The following PPP1R9A variants were observed in gnomAD, a reference collection of about 807,000 sequenced individuals.
The protein encoded by PPP1R9A is neurabin-1.
Under a neutral mutation model 141.9 loss-of-function variants are expected in PPP1R9A, and 59 were observed. The ratio of observed to expected loss-of-function variants is 0.42; its 90% CI spans 0.34 to 0.52. The LOEUF is 0.52. Among genes scored for constraint, PPP1R9A ranks in the 20% least tolerant of loss-of-function variants. PPP1R9A has a pLI of 0.10. For synonymous variants in PPP1R9A, 500 were observed against 569.7 expected, an observed-to-expected ratio of 0.88 and a Z score of 1.74; for missense variants, 1,444 against 1,611.9, an observed-to-expected ratio of 0.90 and a Z score of 1.78.
At chr7:95,240,615 T>A (rs1220386857) in intron 8 of PPP1R9A, among the ~76,000 whole-genome samples, 5 of 152,140 alleles carry the variant, frequency 3.3e-5, no homozygotes, top group Non-Finnish European at 7.4e-5. Flanking sequence ...TTTACCATTT[T>A]AAGTGTACAG....
At chr7:95,251,678 C>T in intron 10 of PPP1R9A, 84 bp from the exon 11 acceptor site, 1 of 1,240,484 alleles carries the variant, frequency 8.1e-7, no homozygotes, top group Non-Finnish European at 1.1e-6. Context: ...AGTTGCTTAT[C>T]CTACTATGCA....
At chr7:95,234,387 C>T (rs1488699849) in intron 8 of PPP1R9A, among the ~76,000 whole-genome samples, 1 of 152,066 alleles carries the variant, frequency 6.6e-6, no homozygotes, top group Non-Finnish European at 1.5e-5. Context: ...CCAACAGCGA[C>T]CAAGCTGAGA....
chr7:94,998,073 T>C (rs1802418377), intron 2 of PPP1R9A, among the ~76,000 whole-genome samples: 1 of 152,208 alleles, frequency 6.6e-6, no homozygotes, highest in African/African-American at 2.4e-5. Flanking sequence ...CAGTTTCTGT[T>C]TTTAATAGAA....
At chr7:94,909,706 CTTTT>C (rs34862598) in intron 1 of PPP1R9A, among the ~76,000 whole-genome samples, 188 bp from the exon 2 acceptor site, 1 of 128,566 alleles carries the variant, frequency 7.8e-6, no homozygotes, top group East Asian at 2.2e-4. Flanking sequence ...GTGTTTGGAA[CTTTT>C]TTTTTTTTTT....
In PPP1R9A at chr7:95,295,202, A is replaced by G. The variant is rs1238365666; in HGVS notation, c.*4899A>G. On this transcript the variant is annotated 3_prime_UTR_variant, in exon 20 of 20. Transcript: ENST00000433360. The stretch of plus-strand genomic sequence containing the variant: ...AGGTCAGTCAGGACCTGGAGCTGTA[A>G]TCATAGCCTTATTGCCACTTCTTGC... 1 of 152,684 alleles carries G rather than the reference A, an allele frequency of 6.5e-6. No homozygotes were observed. Among genetic ancestry groups the G allele is most frequent in the African/African-American group, 2.4e-5 (1 of 41,458 alleles). The allele number at this position is 152,684 out of a possible 1,614,324, so 9.5% of individuals were successfully genotyped here. A position where few individuals can be genotyped will look rare whatever the true frequency, so the allele number is the denominator to read the frequency against.
At chr7:95,134,350 G>A (rs1233225994) in intron 4 of PPP1R9A, among the ~76,000 whole-genome samples, 1 of 152,114 alleles carries the variant, frequency 6.6e-6, no homozygotes, top group South Asian at 2.1e-4. Context: ...GAGAACATTA[G>A]GATAAATACC....
At chr7:95,048,933 T>C (rs1418543190) in intron 2 of PPP1R9A, among the ~76,000 whole-genome samples, 1 of 150,534 alleles carries the variant, frequency 6.6e-6, no homozygotes, top group Non-Finnish European at 1.5e-5. Flanking sequence ...ATTTCAGTTA[T>C]ATCTATAAAT....
chr7:95,091,119 G>T (rs1405683073), intron 2 of PPP1R9A, among the ~76,000 whole-genome samples: 1 of 151,444 alleles, frequency 6.6e-6, no homozygotes, highest in Non-Finnish European at 1.5e-5. Context: ...AAGTTCTGTT[G>T]GACTTGATTT....
chr7:95,237,234 C>T (rs1318210013), intron 8 of PPP1R9A, among the ~76,000 whole-genome samples: 1 of 146,290 alleles, frequency 6.8e-6, no homozygotes, highest in Non-Finnish European at 1.5e-5. Flanking sequence ...CTCACTCTGT[C>T]TCCCAGGCTG....
intron 7 of PPP1R9A, among the ~76,000 whole-genome samples, chr7:95,206,169 C>T (rs898281531): frequency 1.3e-5 from 2 of 152,130 alleles, no homozygotes; most frequent in Non-Finnish European, 2.9e-5. Flanking sequence ...TAGAAATAGC[C>T]TTAAATCATA....
intron 2 of PPP1R9A, among the ~76,000 whole-genome samples, chr7:95,108,422 T>TGCTTCA (rs1819960838): frequency 6.9e-6 from 1 of 145,460 alleles, no homozygotes; most frequent in Non-Finnish European, 1.5e-5. Flanking sequence ...GCCATTCTCC[T>TGCTTCA]GCTTCAGCCT....
chr7:95,094,527 T>C (rs1817765504), intron 2 of PPP1R9A, among the ~76,000 whole-genome samples: 2 of 152,098 alleles, frequency 1.3e-5, no homozygotes, highest in African/African-American at 2.4e-5. Flanking sequence ...GGATAACTTA[T>C]TAGGAATCTT....
chr7:95,034,568 G>T (rs762151129), intron 2 of PPP1R9A, among the ~76,000 whole-genome samples: 1 of 152,032 alleles, frequency 6.6e-6, no homozygotes. Context: ...GGTCCAGCTG[G>T]TCTCGAACTC....
At chr7:95,033,223 C>T (rs1337580121) in intron 2 of PPP1R9A, among the ~76,000 whole-genome samples, 3 of 146,120 alleles carry the variant, frequency 2.1e-5, no homozygotes, top group African/African-American at 7.6e-5. Flanking sequence ...ACCGTGTTAG[C>T]CAGGATGGTC....
At chr7:95,211,230 A>T (rs1288260846) in intron 7 of PPP1R9A, among the ~76,000 whole-genome samples, 1 of 152,116 alleles carries the variant, frequency 6.6e-6, no homozygotes, top group Admixed American at 6.6e-5. Flanking sequence ...TGATACTCTC[A>T]GTTTGAGATG....
rs1374549038 is a variant in PPP1R9A at position 95,268,590 on chromosome 7, A to C, written c.2706A>C (p.Ser902=). ...EAVPETERLD[S]KALKTRAQLS... ...TCCCAGAGACAGAGCGCCTGGATTC[A>C]AAAGCACTGAAAACTCGAGCCCAGC... The change falls in exon 13 of 20, where the codon TCA becomes TCC. Residue 902 remains serine (S), a synonymous_variant. Transcript: ENST00000433360. The C allele has an allele frequency of 6.2e-7, 1 of 1,613,476 alleles. No homozygotes were observed. The highest frequency in any genetic ancestry group is 2.2e-5 in the East Asian group (1 of 44,832).
At chr7:94,982,254 T>TTGCTA (rs746318182) in intron 2 of PPP1R9A, among the ~76,000 whole-genome samples, 65 of 152,222 alleles carry the variant, frequency 4.3e-4, no homozygotes, top group Middle Eastern at 3.2e-3. Flanking sequence ...TTCCAAGTCT[T>TTGCTA]TGCTATTGTG....
intron 2 of PPP1R9A, among the ~76,000 whole-genome samples, chr7:95,014,790 T>G (rs1379176928): frequency 5.3e-5 from 8 of 152,124 alleles, no homozygotes; most frequent in Non-Finnish European, 1.2e-4. Context: ...GTCATTGTAC[T>G]GTAAGGAAGA....
At chr7:95,150,652 A>C (rs762192765) in intron 4 of PPP1R9A, among the ~76,000 whole-genome samples, 1 of 152,192 alleles carries the variant, frequency 6.6e-6, no homozygotes, top group Non-Finnish European at 1.5e-5. Flanking sequence ...TGAAAGAAAT[A>C]ATTGATAAGC....
Sources: gnomAD v4.1 joint callset for allele counts (sites outside exome capture counted in the v4.1 genomes callset) on GRCh38, gnomAD v4.1.1 for gene constraint, MANE v1.5 for transcripts, NCBI Gene and HGNC (gene_info 2026-07-23, HGNC 2026-07-21) for gene names.